ZBTB20: variants seen among roughly 807,000 people sequenced by gnomAD.
ZBTB20 encodes zinc finger and BTB domain-containing protein 20.
A neutral mutation model predicts 56.9 loss-of-function variants in ZBTB20; 9 were observed. The observed-to-expected ratio is 0.16, with a 90% confidence interval of 0.10 to 0.28. The LOEUF is 0.28. Ranked by LOEUF, ZBTB20 falls within the 10% of genes least tolerant of loss-of-function variation. The probability of loss-of-function intolerance (pLI) is 1.00; values close to 1 mark genes in which losing one functional copy is unlikely to be tolerated. For missense variants in ZBTB20, 655 were observed against 1,003.0 expected (o/e 0.65, Z 4.69); for synonymous variants, 417 against 420.7 (o/e 0.99, Z 0.11).
intron 6 of ZBTB20, chr3:114,624,734 G>A (rs2058553970): frequency 1.3e-5 from 2 of 153,078 alleles, no homozygotes; most frequent in African/African-American, 4.8e-5. Flanking sequence ...TACGACTGTG[G>A]AGAAGAGGAA....
chr3:114,611,356 A>G (rs926599016), intron 6 of ZBTB20, among the ~76,000 whole-genome samples: 3 of 152,204 alleles, frequency 2.0e-5, no homozygotes, highest in Non-Finnish European at 1.5e-5. Context: ...AGAGTCTTGC[A>G]TATCAGAAAC....
intron 4 of ZBTB20, chr3:114,876,291 CT>C (rs949921886): frequency 1.2e-4 from 4 of 33,470 alleles, no homozygotes; most frequent in African/African-American, 2.0e-4. Flanking sequence ...CCCTTTCCCC[CT>C]GGTCCCTAAA....
At chr3:114,841,997 A>C (rs1199563808) in intron 4 of ZBTB20, among the ~76,000 whole-genome samples, 3 of 152,190 alleles carry the variant, frequency 2.0e-5, no homozygotes, top group Non-Finnish European at 2.9e-5. Context: ...CCCCCTTCAT[A>C]GTAAGTTCTC....
At position 114,615,197 on chromosome 3, in the gene ZBTB20, T is replaced by C. The variant is rs191620465; in HGVS notation, c.-295+78331A>G. Among the ~76,000 whole-genome samples the C allele has an allele frequency of 1.1e-4, 17 of 152,364 alleles. No homozygotes were observed. The East Asian group carries it at 1.9e-3, about 17-fold the overall frequency. ...TGGTTTCCTGGAGTCAATTTTAAAGTATCACTTAATAAATACTATTTGACA... is the reference window on the plus strand; with the variant it reads ...TGGTTTCCTGGAGTCAATTTTAAAGCATCACTTAATAAATACTATTTGACA... On this transcript the variant is annotated intron_variant, in intron 6 of 11. Transcript: ENST00000675478.
At chr3:114,676,186 T>C (rs2061614625) in intron 6 of ZBTB20, among the ~76,000 whole-genome samples, 1 of 152,182 alleles carries the variant, frequency 6.6e-6, no homozygotes, top group Admixed American at 6.5e-5. Context: ...GCTTGCAGCA[T>C]TCATTTGATC....
chr3:114,840,419 C>T (rs1326331661), intron 4 of ZBTB20, among the ~76,000 whole-genome samples: 1 of 152,154 alleles, frequency 6.6e-6, no homozygotes, highest in African/African-American at 2.4e-5. Flanking sequence ...TTTAACAAAC[C>T]TTTATTACAA....
intron 6 of ZBTB20, among the ~76,000 whole-genome samples, chr3:114,631,481 C>T (rs778736847): frequency 6.0e-4 from 80 of 134,210 alleles, no homozygotes; most frequent in Non-Finnish European, 2.0e-4. Context: ...CAACCTCTGC[C>T]TTCCGGGTTC....
At chr3:114,419,861 A>G (rs2088972344) in intron 7 of ZBTB20, among the ~76,000 whole-genome samples, 2 of 152,120 alleles carry the variant, frequency 1.3e-5, no homozygotes, top group Admixed American at 6.6e-5. Context: ...AATTGGCTAA[A>G]TCTTTAAATA....
At chr3:114,886,902 T>A (rs939343507) in intron 4 of ZBTB20, among the ~76,000 whole-genome samples, 1 of 152,218 alleles carries the variant, frequency 6.6e-6, no homozygotes, top group African/African-American at 2.4e-5. Context: ...CTGTCGCCTA[T>A]AACGGAATAC....
At chr3:114,958,457 T>C (rs2107956570) in intron 3 of ZBTB20, among the ~76,000 whole-genome samples, 1 of 152,264 alleles carries the variant, frequency 6.6e-6, no homozygotes, top group African/African-American at 2.4e-5. Context: ...AAATTAACAC[T>C]TGCACTGGAG....
At chr3:114,579,296 G>A (rs2054405030) in intron 6 of ZBTB20, among the ~76,000 whole-genome samples, 3 of 151,434 alleles carry the variant, frequency 2.0e-5, no homozygotes, top group Admixed American at 6.6e-5. Context: ...TAAAAATAGA[G>A]CAAATATGTT....
chr3:114,945,989 T>C (rs116451430), intron 3 of ZBTB20, among the ~76,000 whole-genome samples: 3 of 145,498 alleles, frequency 2.1e-5, no homozygotes, highest in Non-Finnish European at 3.0e-5. Flanking sequence ...TCCAAATTTG[T>C]ACAAACCAAT....
chr3:114,936,353 G>A (rs950135239), intron 3 of ZBTB20, among the ~76,000 whole-genome samples: 1 of 152,100 alleles, frequency 6.6e-6, no homozygotes, highest in Non-Finnish European at 1.5e-5. Context: ...CTGAGAGTCA[G>A]GAGATGTGGA....
intron 4 of ZBTB20, among the ~76,000 whole-genome samples, chr3:114,896,448 C>T (rs1033541190): frequency 6.6e-6 from 1 of 152,008 alleles, no homozygotes; most frequent in South Asian, 2.1e-4. Context: ...CATGTACTAC[C>T]ACATGGATGA....
At chr3:114,844,330 A>ATATAT (rs2074542977) in intron 4 of ZBTB20, among the ~76,000 whole-genome samples, 2 of 99,300 alleles carry the variant, frequency 2.0e-5, no homozygotes, top group Admixed American at 1.1e-4. Context: ...TACTGGAGTA[A>ATATAT]ATATATATAT....
At chr3:114,988,091 CTT>C (rs543706041) in intron 2 of ZBTB20, among the ~76,000 whole-genome samples, 2,027 of 118,744 alleles carry the variant, frequency 0.017, 36 homozygotes, top group African/African-American at 0.049. Context: ...TATCCAGTTT[CTT>C]TTTTTTTTTT....
chr3:114,487,715 G>C (rs1422918456), intron 7 of ZBTB20, among the ~76,000 whole-genome samples: 1 of 152,206 alleles, frequency 6.6e-6, no homozygotes, highest in East Asian at 1.9e-4. Flanking sequence ...GCACGGCAGA[G>C]GCGGAGGTGA....
intron 2 of ZBTB20, among the ~76,000 whole-genome samples, chr3:114,983,157 A>G (rs2078397417): frequency 6.6e-6 from 1 of 152,002 alleles, no homozygotes; most frequent in South Asian, 2.1e-4. Context: ...AAGATTTTAA[A>G]TAAATATACA....
rs191061241 is a variant in ZBTB20 at position 115,079,995 on chromosome 3, G to C, written c.-702-8581C>G. On this transcript the variant is annotated intron_variant, in intron 1 of 11. Coordinates refer to ENST00000675478, the MANE Select transcript of ZBTB20 (RefSeq NM_001348800.3). ...TTCTTATCTGCATTTTACAGATGAG[G>C]AAAATAGCTCAGTGTTACAAACTGA... Among the ~76,000 whole-genome samples, 356 of 152,214 alleles carry C rather than the reference G, an allele frequency of 2.3e-3. 2 individuals carry two copies. Among genetic ancestry groups the C allele is most frequent in the African/African-American group, 8.4e-3 (350 of 41,540 alleles).
Sources: allele counts gnomAD v4.1 joint callset (sites outside exome capture counted in the v4.1 genomes callset), GRCh38; gene constraint gnomAD v4.1.1; transcripts MANE v1.5; gene names NCBI Gene and HGNC (gene_info 2026-07-23, HGNC 2026-07-21).